Variants in PCDHGA8 observed in about 807,000 individuals in gnomAD.
PCDHGA8 encodes protocadherin gamma subfamily A, 8, also known as protocadherin gamma-A8.
Under a neutral mutation model 59.2 loss-of-function variants are expected in PCDHGA8, and 45 were observed. The observed-to-expected ratio is 0.76, with a 90% confidence interval of 0.60 to 0.98. PCDHGA8 has a LOEUF of 0.98. PCDHGA8 is among the 50% of genes least tolerant of loss of function. The pLI is 0.00. For synonymous variants in PCDHGA8, 531 were observed against 519.0 expected, an observed-to-expected ratio of 1.02 and a Z score of -0.32; for missense variants, 1,257 against 1,196.2, an observed-to-expected ratio of 1.05 and a Z score of -0.75.
intron 1 of PCDHGA8, chr5:141,411,997 T>A (rs1321898808): frequency 6.6e-6 from 1 of 152,030 alleles, no homozygotes; most frequent in Non-Finnish European, 1.5e-5. Context: ...GAAGGCATAG[T>A]GACATAAACA....
intron 1 of PCDHGA8, among the ~76,000 whole-genome samples, chr5:141,450,561 A>G (rs1381887193): frequency 6.6e-6 from 1 of 151,856 alleles, no homozygotes; most frequent in Admixed American, 6.6e-5. Flanking sequence ...GTCTCGGCTC[A>G]CTGCAACTTC....
chr5:141,460,455 A>AT (rs2098989699), intron 1 of PCDHGA8, among the ~76,000 whole-genome samples: 1 of 152,080 alleles, frequency 6.6e-6, no homozygotes, highest in Non-Finnish European at 1.5e-5. Flanking sequence ...GAAGATTCAT[A>AT]TTTTTTTCCA....
intron 1 of PCDHGA8, among the ~76,000 whole-genome samples, chr5:141,436,243 TA>T (rs1428637183): frequency 6.6e-6 from 1 of 152,154 alleles, no homozygotes; most frequent in Non-Finnish European, 1.5e-5. Context: ...TAACATGGTC[TA>T]ATTATTCTGA....
Position 141,434,824 on chromosome 5 carries a change from A to C in PCDHGA8, c.2424+39587A>C, listed in dbSNP as rs143305842. ...CTTGGAGAAATATATCCCTTAGTACACTTGGCATTTATAAAGCAGACATCA... is the reference window on the plus strand; with the variant it reads ...CTTGGAGAAATATATCCCTTAGTACCCTTGGCATTTATAAAGCAGACATCA... On this transcript the variant is annotated intron_variant, in intron 1 of 3. Coordinates refer to ENST00000398604, the MANE Select transcript of PCDHGA8 (RefSeq NM_032088.2). 7.9e-4 allele frequency among the ~76,000 whole-genome samples: 120 copies of C among 152,004 alleles called. 2 individuals are homozygous for C. The highest frequency in any genetic ancestry group is 2.8e-3 in the African/African-American group (115 of 41,454).
Position 141,404,312 on chromosome 5 carries a change from C to T in PCDHGA8, c.2424+9075C>T. On this transcript the variant is annotated intron_variant, in intron 1 of 3. Transcript: ENST00000398604. ...CAATGATAATCCACCTGCTTTCTCT[C>T]AAGCCTCCTACTCAGTCTACCTCCC... is the stretch of plus-strand genomic sequence containing the variant. 1.9e-6 allele frequency: 3 copies of T among 1,613,956 alleles called. No individual in the cohort carries two copies. The Middle Eastern group carries it at 4.9e-4, about 266-fold the overall frequency.
chr5:141,442,894 C>T (rs1173211061), intron 1 of PCDHGA8, among the ~76,000 whole-genome samples: 1 of 152,204 alleles, frequency 6.6e-6, no homozygotes, highest in Non-Finnish European at 1.5e-5. Flanking sequence ...CCCTGCTTAT[C>T]ACTTCTCCTT....
At chr5:141,422,690 T>C (rs1384522137) in intron 1 of PCDHGA8, 1 of 1,603,790 alleles carries the variant, frequency 6.2e-7, no homozygotes, top group African/African-American at 1.3e-5. Flanking sequence ...AATGCCCTGG[T>C]CACTTACTCT....
chr5:141,475,867 G>A (rs2099377217), intron 1 of PCDHGA8: 1 of 504,884 alleles, frequency 2.0e-6, no homozygotes, highest in Non-Finnish European at 3.5e-6. Flanking sequence ...CTCATTCTTC[G>A]TGCAGTTATT....
chr5:141,505,322 G>A, intron 2 of PCDHGA8, 71 bp from the exon 3 acceptor site: 1 of 1,606,332 alleles, frequency 6.2e-7, no homozygotes, highest in African/African-American at 1.3e-5. Context: ...TGGGAGCCCT[G>A]GGAGAGGACA....
chr5:141,432,266 T>G lies in PCDHGA8; in HGVS notation c.2424+37029T>G. ...CACCATCCAAGGGGCAAGCCTATCG[T>G]CCTACGTGTCCATCAACTCCGACAC... On this transcript the variant is annotated intron_variant, in intron 1 of 3. Transcript: ENST00000398604. This position sits in a 1 kb window ranked among gnomAD's most constrained non-coding sequence, Gnocchi z 6.0. The G allele has an allele frequency of 6.2e-7, 1 of 1,614,214 alleles. No individual in the cohort carries two copies. Among genetic ancestry groups the G allele is most frequent in the East Asian group, 2.2e-5 (1 of 44,880 alleles).
chr5:141,500,835 A>G (rs965204931), intron 2 of PCDHGA8, among the ~76,000 whole-genome samples: 13 of 152,118 alleles, frequency 8.5e-5, no homozygotes, highest in African/African-American at 3.1e-4. Context: ...TCTAATGCTA[A>G]TGGGCTTTTG....
Position 141,489,375 on chromosome 5 carries a change from G to C in PCDHGA8, c.2425-5432G>C. On this transcript the variant is annotated intron_variant, in intron 1 of 3. Coordinates refer to ENST00000398604, the MANE Select transcript of PCDHGA8 (RefSeq NM_032088.2). The surrounding 1 kb of genome is among the most constrained non-coding windows in gnomAD (Gnocchi z 4.5). ...AGGAGTCTGAGCCGGGGACGCTGGT[G>C]GGGAATGTTGCTCAGGATCTGGGCT... 1 of 1,613,826 alleles carries C rather than the reference G, an allele frequency of 6.2e-7. No homozygotes were observed.
At chr5:141,399,348 C>G (rs1287526689) in intron 1 of PCDHGA8, 1 of 1,613,940 alleles carries the variant, frequency 6.2e-7, no homozygotes, top group Non-Finnish European at 8.5e-7. Flanking sequence ...GAACCCTAGA[C>G]CGAGAGCAAA....
At position 141,423,722 on chromosome 5, in the gene PCDHGA8, G is replaced by A. The variant is rs541297269; in HGVS notation, c.2424+28485G>A. Reference sequence around the variant, plus strand: ...CTTGGCACAAGTCTTTTAAGGAGATGTTTTTTGAGCCTGTTATGAAAACTG... The same window carrying A: ...CTTGGCACAAGTCTTTTAAGGAGATATTTTTTGAGCCTGTTATGAAAACTG... On this transcript the variant is annotated intron_variant, in intron 1 of 3. Coordinates refer to ENST00000398604, the MANE Select transcript of PCDHGA8 (RefSeq NM_032088.2). 5 of 954,184 alleles carry A rather than the reference G, an allele frequency of 5.2e-6. No individual in the cohort carries two copies. In the African/African-American group the frequency reaches 6.3e-5, roughly 12 times the overall value. The allele number at this position is 954,184 out of a possible 1,614,324, so 59.1% of individuals were successfully genotyped here.
At chr5:141,445,838 A>T (rs1302150397) in intron 1 of PCDHGA8, among the ~76,000 whole-genome samples, 1 of 152,218 alleles carries the variant, frequency 6.6e-6, no homozygotes, top group South Asian at 2.1e-4. Flanking sequence ...GAGCCTTGTA[A>T]ATCACACTTA....
In PCDHGA8 at chr5:141,476,762, G is replaced by A. The variant is rs1338892879; in HGVS notation, c.2425-18045G>A. The A allele has an allele frequency of 6.2e-7, 1 of 1,613,848 alleles. No individual in the cohort carries two copies. ...GCCTAGTCTCCAGTTAGTGCTGACG[G>A]CGTTGGACGGAGGGACCCCAGCTCT... On this transcript the variant is annotated intron_variant, in intron 1 of 3. Coordinates refer to ENST00000398604, the MANE Select transcript of PCDHGA8 (RefSeq NM_032088.2). The surrounding 1 kb of genome is among the most constrained non-coding windows in gnomAD (Gnocchi z 7.6).
At chr5:141,450,509 G>A (rs2098683055) in intron 1 of PCDHGA8, among the ~76,000 whole-genome samples, 1 of 151,878 alleles carries the variant, frequency 6.6e-6, no homozygotes, top group African/African-American at 2.4e-5. Flanking sequence ...GTTTTGAGAT[G>A]GAGTCTCATT....
chr5:141,441,230 ATTTAAATCACAAGATC>A (rs1009424536), intron 1 of PCDHGA8: 1 of 152,196 alleles, frequency 6.6e-6, no homozygotes, highest in African/African-American at 2.4e-5. Context: ...ACTGTCCAGG[ATTTAAATCACAAGATC>A]TTTAAATCAC....
chr5:141,433,168 T>A, intron 1 of PCDHGA8: 6 of 1,613,438 alleles, frequency 3.7e-6, no homozygotes, highest in Non-Finnish European at 3.4e-6. Context: ...CTAAAGACAG[T>A]CATGGGTTAA....
Sources: allele counts gnomAD v4.1 joint callset (sites outside exome capture counted in the v4.1 genomes callset), GRCh38; gene constraint gnomAD v4.1.1; non-coding constraint Gnocchi (gnomAD v3.1); transcripts MANE v1.5; gene names NCBI Gene and HGNC (gene_info 2026-07-23, HGNC 2026-07-21).